Variants in ZDHHC14 observed in about 807,000 individuals in gnomAD.
ZDHHC14 encodes palmitoyltransferase ZDHHC14.
A neutral mutation model predicts 47.7 loss-of-function variants in ZDHHC14; 16 were observed. The observed-to-expected ratio is 0.34, with a 90% CI of 0.23 to 0.51. The LOEUF (loss-of-function observed/expected upper bound fraction) is 0.51. Ranked by LOEUF, ZDHHC14 falls within the 20% of genes least tolerant of loss-of-function variation. ZDHHC14 has a pLI of 0.97. For synonymous variants in ZDHHC14, 293 were observed against 278.9 expected (o/e 1.05, Z -0.50); for missense variants, 515 against 662.5 (o/e 0.78, Z 2.44).
intron 8 of ZDHHC14, among the ~76,000 whole-genome samples, chr6:157,666,304 TTAAA>T (rs1338963848): frequency 2.0e-5 from 3 of 152,202 alleles, no homozygotes. Context: ...ACCTAACATT[TTAAA>T]TACCCCAATC....
At chr6:157,656,988 G>C (rs9458063) in intron 8 of ZDHHC14, among the ~76,000 whole-genome samples, 52,416 of 151,860 alleles carry the variant, frequency 0.35, 9,255 homozygotes, top group Non-Finnish European at 0.39. Flanking sequence ...ATGCATACCT[G>C]AGTGTAGGTG....
chr6:157,666,808 T>C (rs1487605186), intron 8 of ZDHHC14, among the ~76,000 whole-genome samples: 2 of 152,228 alleles, frequency 1.3e-5, no homozygotes, highest in Non-Finnish European at 2.9e-5. Context: ...GAAACAGGAA[T>C]GATCTCTATG....
Position 157,492,869 on chromosome 6 carries a change from C to A in ZDHHC14, c.246-49716C>A, listed in dbSNP as rs147419000. ...TGCATAAGACATTCCAGGCAAGGCG[C>A]GCCCTGGGAGCACAGACCTGGCTAG... On this transcript the variant is annotated intron_variant, in intron 1 of 8. Coordinates refer to ENST00000359775, the MANE Select transcript of ZDHHC14 (RefSeq NM_024630.3). 7.0e-4 allele frequency among the ~76,000 whole-genome samples: 107 copies of A among 152,080 alleles called. 1 individual carries two copies. The highest frequency in any genetic ancestry group is 2.6e-3 in the African/African-American group (107 of 41,470).
intron 1 of ZDHHC14, among the ~76,000 whole-genome samples, chr6:157,453,788 T>TTTTGTGTGTGTGTGTGTGTGTGTGTGTG (rs3220439): frequency 6.8e-6 from 1 of 148,098 alleles, no homozygotes; most frequent in African/African-American, 2.5e-5. Flanking sequence ...TTTTTGTGTT[T>TTTTGTGTGTGTGTGTGTGTGTGTGTGTG]TGTGTGTGTG....
At chr6:157,570,803 A>G (rs902842722) in intron 2 of ZDHHC14, among the ~76,000 whole-genome samples, 3 of 150,670 alleles carry the variant, frequency 2.0e-5, no homozygotes, top group African/African-American at 7.4e-5. Flanking sequence ...ACATATATAT[A>G]CACACACACA....
At chr6:157,441,534 G>A (rs912713775) in intron 1 of ZDHHC14, among the ~76,000 whole-genome samples, 11 of 152,218 alleles carry the variant, frequency 7.2e-5, no homozygotes, top group African/African-American at 2.4e-4. Context: ...AAAAAGAAAC[G>A]GATGAAAGAA....
Position 157,559,565 on chromosome 6 carries a change from T to C in ZDHHC14, c.406+16820T>C, listed in dbSNP as rs1782626400. On this transcript the variant is annotated intron_variant, in intron 2 of 8. Coordinates refer to ENST00000359775, the MANE Select transcript of ZDHHC14 (RefSeq NM_024630.3). Reference sequence around the variant, plus strand: ...AGGAGAGCCCAGCCACCCTGCCATCTTGAAGGGCATCTTCCTGGAATAACA... The same window carrying C: ...AGGAGAGCCCAGCCACCCTGCCATCCTGAAGGGCATCTTCCTGGAATAACA... Among the ~76,000 whole-genome samples the C allele has an allele frequency of 3.3e-5, 5 of 152,240 alleles. No homozygotes were observed. In the South Asian group the frequency reaches 1.0e-3, roughly 32 times the overall value.
chr6:157,503,422 C>G (rs1004168587), intron 1 of ZDHHC14, among the ~76,000 whole-genome samples: 1 of 152,196 alleles, frequency 6.6e-6, no homozygotes, highest in African/African-American at 2.4e-5. Context: ...CCTGAACTTT[C>G]AAGAGATGTG....
chr6:157,394,474 C>T (rs1777483458), intron 1 of ZDHHC14, among the ~76,000 whole-genome samples: 2 of 152,166 alleles, frequency 1.3e-5, no homozygotes, highest in South Asian at 2.1e-4. Context: ...CCTGAGCTGC[C>T]GTACAAGAAG....
At chr6:157,461,492 G>A (rs888407694) in intron 1 of ZDHHC14, among the ~76,000 whole-genome samples, 1 of 152,140 alleles carries the variant, frequency 6.6e-6, no homozygotes, top group Non-Finnish European at 1.5e-5. Context: ...AGTCCGTTAC[G>A]GCCCAGCCCC....
In ZDHHC14 at chr6:157,427,049, A is replaced by G. The variant is rs1455519117; in HGVS notation, c.245+44783A>G. Among the ~76,000 whole-genome samples, 1 of 151,870 alleles carries G rather than the reference A, an allele frequency of 6.6e-6. No individual in the cohort carries two copies. The highest frequency in any genetic ancestry group is 1.5e-5 in the Non-Finnish European group (1 of 67,960). ...AATCGGTCTAGAGGAAAAGGAGGAG[A>G]GGCACGGTGCGAGCTGGGGTGGCAG... On this transcript the variant is annotated intron_variant, in intron 1 of 8. Coordinates refer to ENST00000359775, the MANE Select transcript of ZDHHC14 (RefSeq NM_024630.3). The surrounding 1 kb of genome is among the most constrained non-coding windows in gnomAD (Gnocchi z 4.4).
intron 1 of ZDHHC14, among the ~76,000 whole-genome samples, chr6:157,473,024 GAGT>G (rs1779390230): frequency 6.6e-6 from 1 of 152,188 alleles, no homozygotes; most frequent in African/African-American, 2.4e-5. Flanking sequence ...TTCATTTTAA[GAGT>G]AGTAGTCACA....
intron 5 of ZDHHC14, among the ~76,000 whole-genome samples, chr6:157,633,447 G>A (rs978121585): frequency 6.6e-6 from 1 of 152,118 alleles, no homozygotes; most frequent in African/African-American, 2.4e-5. Context: ...GCATAAATAT[G>A]GGGATGGACC....
chr6:157,429,559 AAGGAAGGT>A (rs1413297783), intron 1 of ZDHHC14, among the ~76,000 whole-genome samples: 1 of 133,654 alleles, frequency 7.5e-6, no homozygotes, highest in African/African-American at 2.8e-5. Flanking sequence ...CTGTTTGTAG[AAGGAAGGT>A]AGGAAGGAAG....
chr6:157,440,799 A>G (rs904010729), intron 1 of ZDHHC14, among the ~76,000 whole-genome samples: 2 of 152,248 alleles, frequency 1.3e-5, no homozygotes, highest in African/African-American at 4.8e-5. Context: ...GTGAAAGAAG[A>G]CAGAAGCTAT....
intron 2 of ZDHHC14, among the ~76,000 whole-genome samples, chr6:157,576,730 C>T (rs1783321002): frequency 6.6e-6 from 1 of 152,238 alleles, no homozygotes; most frequent in Non-Finnish European, 1.5e-5. Flanking sequence ...AGAGATGCTT[C>T]ATCTTCATTC....
chr6:157,561,375 G>C (rs963706935), intron 2 of ZDHHC14, among the ~76,000 whole-genome samples: 1 of 142,182 alleles, frequency 7.0e-6, no homozygotes, highest in Non-Finnish European at 1.5e-5. Flanking sequence ...ATCCCGTGGA[G>C]GTTGGAAATG....
intron 1 of ZDHHC14, among the ~76,000 whole-genome samples, chr6:157,517,111 C>T (rs767253978): frequency 1.3e-5 from 2 of 152,134 alleles, no homozygotes; most frequent in Non-Finnish European, 2.9e-5. Context: ...GAAGTTGAGG[C>T]CAAGCGAGGG....
chr6:157,460,139 G>C (rs1216293703), intron 1 of ZDHHC14, among the ~76,000 whole-genome samples: 1 of 150,600 alleles, frequency 6.6e-6, no homozygotes, highest in African/African-American at 2.4e-5. Flanking sequence ...GGAGGCAGAA[G>C]TTGCAGTGAG....
Sources: allele counts gnomAD v4.1 joint callset (sites outside exome capture counted in the v4.1 genomes callset), GRCh38; gene constraint gnomAD v4.1.1; non-coding constraint Gnocchi (gnomAD v3.1); transcripts MANE v1.5; gene names NCBI Gene and HGNC (gene_info 2026-07-23, HGNC 2026-07-21).